The following ZNF600 variants were observed in gnomAD, a reference collection of about 807,000 sequenced individuals.
ZNF600 encodes the protein zinc finger protein KR-ZNF1.
ZNF600 carries 4 observed loss-of-function variants against 7.3 expected under a neutral mutation model. That is an observed-to-expected ratio of 0.55 (90% CI 0.27 to 1.25). ZNF600 has a LOEUF of 1.25. Ranked by LOEUF, ZNF600 falls within the 50% of genes most tolerant of loss-of-function variation. The probability of loss-of-function intolerance (pLI) is 0.12; values close to 1 mark genes in which losing one functional copy is unlikely to be tolerated. For missense variants in ZNF600, 911 were observed against 922.1 expected, an observed-to-expected ratio of 0.99 and a Z score of 0.16; for synonymous variants, 290 against 308.9, an observed-to-expected ratio of 0.94 and a Z score of 0.64.
At chr19:52,781,262 C>CA (rs1239421419) in intron 1 of ZNF600, 55 bp downstream of exon 2, 1 of 151,564 alleles carries the variant, frequency 6.6e-6, no homozygotes, top group African/African-American at 2.4e-5. Flanking sequence ...TGTATTTTGT[C>CA]AGTCATTTCA....
At position 52,781,477 on chromosome 19, in the gene ZNF600, C is replaced by T. The variant is rs894957700; in HGVS notation, c.-19-2570G>A. The T allele has an allele frequency of 3.9e-5, 6 of 152,138 alleles. No individual in the cohort carries two copies. Among genetic ancestry groups the T allele is most frequent in the African/African-American group, 1.4e-4 (6 of 41,418 alleles). The allele number at this position is 152,138 out of a possible 1,614,324, so 9.4% of individuals were successfully genotyped here. ...CTTGGTCTTCCTCCTCTAGAAAATT[C>T]CAAGACCAGCCAGGATTGGTGGCTC... On this transcript the variant is annotated intron_variant, in intron 1 of 3. Coordinates refer to ENST00000648973, the Ensembl canonical transcript of ZNF600.
At chr19:52,808,185 T>C in the ZNF600 span, 1 of 1,601,530 alleles carries the variant, frequency 6.2e-7, no homozygotes, top group Non-Finnish European at 8.5e-7. Flanking sequence ...TTCTTATCTT[T>C]ACAGAAAATG....
chr19:52,808,319 T>C, the ZNF600 span, among the ~76,000 whole-genome samples: 1 of 152,218 alleles, frequency 6.6e-6, no homozygotes, highest in Non-Finnish European at 1.5e-5. Context: ...ACTTTCAGTA[T>C]GAAATTCCTA....
chr19:52,821,002 G>A, the ZNF600 span, among the ~76,000 whole-genome samples: 1 of 152,110 alleles, frequency 6.6e-6, no homozygotes, highest in Non-Finnish European at 1.5e-5. Context: ...CAGAGCTGGA[G>A]CTGGGCGGGC....
the ZNF600 span, chr19:52,810,754 G>GT: frequency 1.9e-6 from 1 of 533,226 alleles, no homozygotes; most frequent in Non-Finnish European, 3.2e-6. Flanking sequence ...GGAAAGAAGG[G>GT]GAAAAAAAAA....
the ZNF600 span, among the ~76,000 whole-genome samples, chr19:52,804,853 A>G: frequency 6.6e-6 from 1 of 152,240 alleles, no homozygotes; most frequent in African/African-American, 2.4e-5. Context: ...GACAGGAGAA[A>G]GAGCATCTCA....
chr19:52,802,608 C>T, the ZNF600 span, among the ~76,000 whole-genome samples: 2 of 151,958 alleles, frequency 1.3e-5, no homozygotes, highest in Non-Finnish European at 2.9e-5. Flanking sequence ...ACTTGGGAGG[C>T]AAAGATTGTG....
chr19:52,830,389 G>GT, the ZNF600 span, among the ~76,000 whole-genome samples: 1 of 152,144 alleles, frequency 6.6e-6, no homozygotes, highest in Non-Finnish European at 1.5e-5. Flanking sequence ...TGCACATACA[G>GT]TAAGTGAGGG....
the ZNF600 span, chr19:52,800,857 T>G: frequency 6.2e-7 from 1 of 1,614,094 alleles, no homozygotes; most frequent in Non-Finnish European, 8.5e-7. Context: ...TCACAAACCT[T>G]ACATTTGTAT....
chr19:52,793,720 T>C, the ZNF600 span, among the ~76,000 whole-genome samples: 3 of 149,720 alleles, frequency 2.0e-5, no homozygotes, highest in South Asian at 2.1e-4. Context: ...TGAATCAAGA[T>C]TGAGCCACTG....
the ZNF600 span, among the ~76,000 whole-genome samples, chr19:52,822,074 C>CTTTTTTTTTTT: frequency 4.2e-4 from 33 of 78,672 alleles, 2 homozygotes; most frequent in African/African-American, 1.0e-3. Context: ...TTCTTTTTCC[C>CTTTTTTTTTTT]TTTTTTTTTT....
At chr19:52,827,837 G>A in the ZNF600 span, among the ~76,000 whole-genome samples, 1 of 151,968 alleles carries the variant, frequency 6.6e-6, no homozygotes, top group East Asian at 1.9e-4. Context: ...GAGCCACCGC[G>A]CCCGGCCTAG....
rs554587841 is a variant in ZNF600, at chr19:52,771,636, C to A, written c.190+2939G>T. Among the ~76,000 whole-genome samples the A allele has an allele frequency of 7.2e-5, 11 of 152,264 alleles. No individual in the cohort carries two copies. In the South Asian group the frequency reaches 2.3e-3, roughly 32 times the overall value. ...GGGATTACAGGTGTATACCAACACA[C>A]CCAGCTAATTTTTGTATTTTTACCA... On this transcript the variant is annotated intron_variant, in intron 3 of 3. Coordinates refer to ENST00000648973, the Ensembl canonical transcript of ZNF600.
At chr19:52,809,916 GC>G in the ZNF600 span, 328 of 845,614 alleles carry the variant, frequency 3.9e-4, 5 homozygotes, top group South Asian at 4.6e-3. Flanking sequence ...TGTGCCCGGG[GC>G]CGGTGGGGAG....
upstream of ZNF600, chr19:52,786,814 G>A: frequency 3.0e-6 from 1 of 334,818 alleles, no homozygotes; most frequent in Admixed American, 2.9e-5. Flanking sequence ...GGGCAGGTTG[G>A]CTGGACCTGG....
chr19:52,795,178 G>A, the ZNF600 span, among the ~76,000 whole-genome samples: 4 of 152,030 alleles, frequency 2.6e-5, no homozygotes, highest in Admixed American at 1.3e-4. Context: ...GAACTTGAAG[G>A]GAACATTTAC....
chr19:52,825,177 A>G, the ZNF600 span, among the ~76,000 whole-genome samples: 4 of 152,270 alleles, frequency 2.6e-5, no homozygotes, highest in African/African-American at 9.6e-5. Context: ...CCCCTCCTGC[A>G]GGAACCCTCC....
the ZNF600 span, among the ~76,000 whole-genome samples, chr19:52,831,181 A>G: frequency 6.2e-3 from 949 of 152,300 alleles, 20 homozygotes; most frequent in African/African-American, 0.021. Context: ...GAGTGCAGCA[A>G]TGAAGGAGAC....
intron 1 of ZNF600, among the ~76,000 whole-genome samples, chr19:52,782,562 A>G (rs2041447083): frequency 6.6e-6 from 1 of 151,862 alleles, no homozygotes; most frequent in African/African-American, 2.4e-5. Flanking sequence ...AAGTAAATTT[A>G]AAGTAAAATT....
Sources: gnomAD v4.1 joint callset for allele counts (sites outside exome capture counted in the v4.1 genomes callset) on GRCh38, gnomAD v4.1.1 for gene constraint, MANE v1.5 for transcripts, NCBI Gene and HGNC (gene_info 2026-07-23, HGNC 2026-07-21) for gene names.